Variants in GPC6 observed in about 807,000 individuals in gnomAD.
The protein encoded by GPC6 is glypican 6, also known as glypican-6.
GPC6 carries 14 observed loss-of-function variants against 55.2 expected under a neutral mutation model. The observed-to-expected ratio is 0.25, with a 90% CI of 0.17 to 0.40. GPC6 has a LOEUF of 0.40. GPC6 is among the 10% of genes least tolerant of loss of function. The pLI is 1.00. For missense variants in GPC6, 641 were observed against 708.5 expected, an observed-to-expected ratio of 0.90 and a Z score of 1.08; for synonymous variants, 278 against 259.6, an observed-to-expected ratio of 1.07 and a Z score of -0.68.
At chr13:94,015,784 C>T (rs887522841) in intron 3 of GPC6, among the ~76,000 whole-genome samples, 9 of 152,078 alleles carry the variant, frequency 5.9e-5, no homozygotes, top group African/African-American at 9.7e-5. Flanking sequence ...GGTCTTTGCA[C>T]GCTTGTTGAA....
rs144603447 is a variant in GPC6, at chr13:94,222,344, G to C, written c.878-64005G>C. ...GGAAAATATTTGGAGAGAAGTCCCA[G>C]ATTATATCTTGTAGGAAGCAAAGAT... On this transcript the variant is annotated intron_variant, in intron 4 of 8. Coordinates refer to ENST00000377047, the MANE Select transcript of GPC6 (RefSeq NM_005708.5). 7.4e-4 allele frequency among the ~76,000 whole-genome samples: 112 copies of C among 152,222 alleles called. 1 individual carries two copies. The highest frequency in any genetic ancestry group is 2.6e-3 in the African/African-American group (109 of 41,568).
intron 2 of GPC6, among the ~76,000 whole-genome samples, chr13:93,781,169 G>A (rs537538817): frequency 3.3e-5 from 5 of 151,726 alleles, no homozygotes; most frequent in South Asian, 2.1e-4. Flanking sequence ...CCAACTACTC[G>A]AGAGGCTGAG....
intron 6 of GPC6, among the ~76,000 whole-genome samples, chr13:94,319,537 G>C (rs115779625): frequency 6.6e-6 from 1 of 152,108 alleles, no homozygotes; most frequent in African/African-American, 2.4e-5. Flanking sequence ...TTCCTTTTGC[G>C]TAAAACCATC....
At chr13:94,140,472 C>A (rs1887335202) in intron 4 of GPC6, among the ~76,000 whole-genome samples, 1 of 152,154 alleles carries the variant, frequency 6.6e-6, no homozygotes, top group African/African-American at 2.4e-5. Context: ...TCCCATTTGT[C>A]TTCCATGAAT....
At chr13:93,837,640 AAAT>A (rs1318620767) in intron 3 of GPC6, among the ~76,000 whole-genome samples, 2 of 152,244 alleles carry the variant, frequency 1.3e-5, no homozygotes, top group African/African-American at 4.8e-5. Context: ...AAACAGAAGC[AAAT>A]AATGTCAATA....
intron 1 of GPC6, among the ~76,000 whole-genome samples, chr13:93,484,298 C>G (rs1222980374): frequency 6.6e-6 from 1 of 151,958 alleles, no homozygotes; most frequent in Non-Finnish European, 1.5e-5. Flanking sequence ...TTTAGTTCTC[C>G]AAGAATCTAT....
chr13:94,167,386 A>G (rs1888404482), intron 4 of GPC6, among the ~76,000 whole-genome samples: 1 of 152,206 alleles, frequency 6.6e-6, no homozygotes, highest in African/African-American at 2.4e-5. Flanking sequence ...ATGATTAACT[A>G]AAGATGGACG....
intron 4 of GPC6, among the ~76,000 whole-genome samples, chr13:94,211,002 G>A (rs971263526): frequency 1.3e-5 from 2 of 152,182 alleles, no homozygotes; most frequent in Admixed American, 1.3e-4. Context: ...TCGTCTGTGT[G>A]GGAGTGTTGG....
intron 2 of GPC6, among the ~76,000 whole-genome samples, chr13:93,674,361 G>C (rs1160553178): frequency 2.6e-5 from 4 of 152,126 alleles, no homozygotes; most frequent in Non-Finnish European, 5.9e-5. Context: ...CCATCAACTT[G>C]AGATAGGCCT....
intron 3 of GPC6, among the ~76,000 whole-genome samples, chr13:93,833,785 G>A (rs1887624550): frequency 6.6e-6 from 1 of 152,104 alleles, no homozygotes; most frequent in African/African-American, 2.4e-5. Context: ...AGCATCAACA[G>A]AATTATTTTT....
chr13:93,774,180 T>C (rs576546372), intron 2 of GPC6, among the ~76,000 whole-genome samples: 1 of 152,236 alleles, frequency 6.6e-6, no homozygotes, highest in Non-Finnish European at 1.5e-5. Flanking sequence ...CAGGTGTCGT[T>C]TTTCCTGTAG....
intron 1 of GPC6, among the ~76,000 whole-genome samples, chr13:93,489,037 T>G (rs1428979930): frequency 6.6e-6 from 1 of 151,532 alleles, no homozygotes; most frequent in Non-Finnish European, 1.5e-5. Context: ...AGTCATGAAG[T>G]CCTTGCCCAT....
chr13:93,601,306 T>C (rs977696603), intron 2 of GPC6, among the ~76,000 whole-genome samples: 8 of 151,614 alleles, frequency 5.3e-5, no homozygotes, highest in African/African-American at 1.9e-4. Flanking sequence ...ATCACTTGAA[T>C]GAGGAGGTGG....
intron 4 of GPC6, among the ~76,000 whole-genome samples, chr13:94,030,139 G>A (rs1883066033): frequency 6.6e-6 from 1 of 151,986 alleles, no homozygotes; most frequent in South Asian, 2.1e-4. Flanking sequence ...CTCCCGAGGA[G>A]CTGGGACTAC....
intron 2 of GPC6, among the ~76,000 whole-genome samples, chr13:93,666,339 T>C (rs1003948900): frequency 2.0e-5 from 3 of 151,706 alleles, no homozygotes; most frequent in African/African-American, 7.3e-5. Flanking sequence ...TTTCAATTTA[T>C]ACTTTAAAAA....
chr13:94,117,563 G>A (rs1207578368), intron 4 of GPC6, among the ~76,000 whole-genome samples: 1 of 152,078 alleles, frequency 6.6e-6, no homozygotes, highest in African/African-American at 2.4e-5. Flanking sequence ...GGCAAATCAA[G>A]TCATCCTGTT....
chr13:94,135,345 A>C (rs1232823902), intron 4 of GPC6, among the ~76,000 whole-genome samples: 1 of 152,206 alleles, frequency 6.6e-6, no homozygotes, highest in African/African-American at 2.4e-5. Context: ...ATTTGAAAAA[A>C]AAGTCCCTGA....
chr13:93,854,241 A>G (rs1309174326), intron 3 of GPC6, among the ~76,000 whole-genome samples: 1 of 151,602 alleles, frequency 6.6e-6, no homozygotes. Context: ...AGTTTGGGGA[A>G]CAGCAATAAT....
intron 4 of GPC6, among the ~76,000 whole-genome samples, chr13:94,150,057 C>T (rs1455847634): frequency 6.6e-6 from 1 of 152,038 alleles, no homozygotes; most frequent in African/African-American, 2.4e-5. Context: ...TCATGAACTT[C>T]CTTCCCAATC....
Sources: gnomAD v4.1 joint callset for allele counts (sites outside exome capture counted in the v4.1 genomes callset) on GRCh38, gnomAD v4.1.1 for gene constraint, MANE v1.5 for transcripts, NCBI Gene and HGNC (gene_info 2026-07-23, HGNC 2026-07-21) for gene names.